SUGCT: variants seen among roughly 807,000 people sequenced by gnomAD.
The protein encoded by SUGCT is succinyl-CoA:glutarate-CoA transferase, also known as succinyl-CoA:glutarate CoA-transferase.
A neutral mutation model predicts 55.0 loss-of-function variants in SUGCT; 41 were observed. The observed-to-expected ratio is 0.74, with a 90% CI of 0.58 to 0.97. The LOEUF is 0.97. Among genes scored for constraint, SUGCT ranks in the 50% least tolerant of loss-of-function variants. The pLI is 0.00. For synonymous variants in SUGCT, 187 were observed against 200.4 expected, an observed-to-expected ratio of 0.93 and a Z score of 0.56; for missense variants, 568 against 547.8, an observed-to-expected ratio of 1.04 and a Z score of -0.37.
At chr7:40,738,758 A>G (rs1394871843) in intron 12 of SUGCT, among the ~76,000 whole-genome samples, 2 of 152,216 alleles carry the variant, frequency 1.3e-5, no homozygotes, top group African/African-American at 2.4e-5. Context: ...CTCCCAGTAG[A>G]TGGATTAAAA....
the SUGCT span, among the ~76,000 whole-genome samples, chr7:40,906,949 T>C: frequency 3.2e-3 from 480 of 152,308 alleles, 2 homozygotes; most frequent in Middle Eastern, 0.01. Context: ...CAAGCATTGC[T>C]GGCCTCCCAG....
intron 8 of SUGCT, among the ~76,000 whole-genome samples, chr7:40,275,049 C>T: frequency 6.6e-6 from 1 of 152,294 alleles, no homozygotes; most frequent in South Asian, 2.1e-4. Flanking sequence ...GATTTGCCCA[C>T]CTTGGCCTCC....
intron 12 of SUGCT, among the ~76,000 whole-genome samples, chr7:40,733,977 T>C (rs1334690865): frequency 6.6e-6 from 1 of 152,228 alleles, no homozygotes; most frequent in Non-Finnish European, 1.5e-5. Context: ...AAGCAGATGT[T>C]AATGTTTTGT....
At chr7:40,783,999 G>A (rs1789891193) in intron 13 of SUGCT, among the ~76,000 whole-genome samples, 1 of 152,210 alleles carries the variant, frequency 6.6e-6, no homozygotes, top group Non-Finnish European at 1.5e-5. Flanking sequence ...TGCTAAGCAT[G>A]AGTGTATGAC....
intron 1 of SUGCT, chr7:40,141,983 C>T (rs182290624): frequency 4.2e-4 from 75 of 176,768 alleles, no homozygotes; most frequent in African/African-American, 1.7e-3. Flanking sequence ...ACAGGCTAAA[C>T]TAATTCCAAT....
intron 13 of SUGCT, among the ~76,000 whole-genome samples, chr7:40,771,733 T>C (rs1023459433): frequency 6.6e-6 from 1 of 152,208 alleles, no homozygotes; most frequent in Non-Finnish European, 1.5e-5. Flanking sequence ...GGAAATATAA[T>C]TTTAAAAGAC....
At chr7:40,137,695 G>A (rs1297728488) in intron 1 of SUGCT, among the ~76,000 whole-genome samples, 3 of 152,006 alleles carry the variant, frequency 2.0e-5, no homozygotes, top group Non-Finnish European at 4.4e-5. Context: ...ATTTATTTAA[G>A]TATTGAGACA....
At chr7:40,714,445 T>A (rs183325970) in intron 12 of SUGCT, among the ~76,000 whole-genome samples, 16 of 152,280 alleles carry the variant, frequency 1.1e-4, no homozygotes, top group Admixed American at 8.5e-4. Flanking sequence ...TATTTAAGTG[T>A]CCCTAAAAAG....
At chr7:40,395,521 A>AG (rs1309109336) in intron 9 of SUGCT, among the ~76,000 whole-genome samples, 1 of 151,660 alleles carries the variant, frequency 6.6e-6, no homozygotes, top group Non-Finnish European at 1.5e-5. Flanking sequence ...AAAAGAAAAA[A>AG]AAATTCAATT....
the SUGCT span, among the ~76,000 whole-genome samples, chr7:40,963,807 AG>A: frequency 1.3e-5 from 2 of 152,212 alleles, no homozygotes; most frequent in Non-Finnish European, 2.9e-5. Context: ...AGAAGTTAAA[AG>A]TAAGAGAGGT....
intron 12 of SUGCT, among the ~76,000 whole-genome samples, chr7:40,578,602 A>G (rs1796905936): frequency 6.6e-6 from 1 of 151,910 alleles, no homozygotes; most frequent in South Asian, 2.1e-4. Context: ...CAGCTGGGGA[A>G]CATTTAGAAA....
chr7:40,365,764 G>T (rs1174197667), intron 9 of SUGCT, among the ~76,000 whole-genome samples: 2 of 151,806 alleles, frequency 1.3e-5, no homozygotes, highest in African/African-American at 4.8e-5. Context: ...AAATAAAAGA[G>T]GACACAAACA....
the SUGCT span, among the ~76,000 whole-genome samples, chr7:40,957,649 G>A: frequency 2.0e-5 from 3 of 151,652 alleles, no homozygotes; most frequent in Admixed American, 1.3e-4. Context: ...TTACATTTAA[G>A]GTTAATATTG....
At chr7:40,655,997 G>T (rs1230510381) in intron 12 of SUGCT, among the ~76,000 whole-genome samples, 1 of 152,058 alleles carries the variant, frequency 6.6e-6, no homozygotes, top group East Asian at 1.9e-4. Flanking sequence ...AGGGGCAAGA[G>T]AATTAACAAT....
At position 40,535,716 on chromosome 7, in the gene SUGCT, A is replaced by C. The variant is rs148734507; in HGVS notation, c.1089+39330A>C. On this transcript the variant is annotated intron_variant, in intron 12 of 13. Coordinates refer to ENST00000335693, the MANE Select transcript of SUGCT (RefSeq NM_001193313.2). ...ATGAAATCATGTTCTTTGAAGCAACATGGATACAACAGGAGGCCATGTCCT... is the reference window on the plus strand; with the variant it reads ...ATGAAATCATGTTCTTTGAAGCAACCTGGATACAACAGGAGGCCATGTCCT... Among the ~76,000 whole-genome samples, 636 of 152,332 alleles carry C rather than the reference A, an allele frequency of 4.2e-3. 1 individual carries two copies. Among genetic ancestry groups the C allele is most frequent in the Non-Finnish European group, 7.7e-3 (523 of 68,016 alleles).
the SUGCT span, among the ~76,000 whole-genome samples, chr7:41,020,099 T>C: frequency 6.6e-6 from 1 of 152,244 alleles, no homozygotes; most frequent in African/African-American, 2.4e-5. Flanking sequence ...ATTGAATGCA[T>C]TGTAAATAAC....
At chr7:40,377,246 C>T (rs1392356485) in intron 9 of SUGCT, among the ~76,000 whole-genome samples, 1 of 4,508 alleles carries the variant, frequency 2.2e-4, no homozygotes. Flanking sequence ...TTCCTTCCTT[C>T]CTTCTTTCTT....
intron 7 of SUGCT, among the ~76,000 whole-genome samples, chr7:40,271,759 A>G (rs1438250222): frequency 6.6e-6 from 1 of 151,998 alleles, no homozygotes; most frequent in Non-Finnish European, 1.5e-5. Flanking sequence ...GTACTGATCT[A>G]CTGAACAACA....
chr7:40,631,706 G>C (rs1799797172), intron 12 of SUGCT, among the ~76,000 whole-genome samples: 1 of 152,130 alleles, frequency 6.6e-6, no homozygotes, highest in Non-Finnish European at 1.5e-5. Flanking sequence ...TCAAAAGCCT[G>C]GGTAGGGTTT....
Sources: allele counts gnomAD v4.1 joint callset (sites outside exome capture counted in the v4.1 genomes callset), GRCh38; gene constraint gnomAD v4.1.1; transcripts MANE v1.5; gene names NCBI Gene and HGNC (gene_info 2026-07-23, HGNC 2026-07-21).